KSR2: variants seen among roughly 807,000 people sequenced by gnomAD.
KSR2 encodes kinase suppressor of ras 2.
In KSR2, 25 loss-of-function variants were observed where a neutral mutation model predicts 107.8. The ratio of observed to expected loss-of-function variants is 0.23; its 90% CI spans 0.17 to 0.32. The LOEUF (loss-of-function observed/expected upper bound fraction) is 0.32, where lower values mean the gene tolerates loss of function less well. Ranked by LOEUF, KSR2 falls within the 10% of genes least tolerant of loss-of-function variation. The pLI is 1.00. For synonymous variants in KSR2, 480 were observed against 507.0 expected, an observed-to-expected ratio of 0.95 and a Z score of 0.71; for missense variants, 887 against 1,268.9, an observed-to-expected ratio of 0.70 and a Z score of 4.57.
chr12:117,481,939 T>C (rs1170234401), intron 16 of KSR2, among the ~76,000 whole-genome samples: 1 of 152,170 alleles, frequency 6.6e-6, no homozygotes, highest in African/African-American at 2.4e-5. Flanking sequence ...TAAATGGACC[T>C]GAACCCCTGA....
intron 1 of KSR2, among the ~76,000 whole-genome samples, chr12:117,965,742 C>T (rs2393330): frequency 0.21 from 31,909 of 152,106 alleles, 3,496 homozygotes; most frequent in Middle Eastern, 0.25. Context: ...GTTTATTAAA[C>T]GCAGATTCCT....
intron 1 of KSR2, among the ~76,000 whole-genome samples, chr12:117,960,861 A>C (rs992853593): frequency 2.0e-5 from 3 of 147,520 alleles, no homozygotes; most frequent in Non-Finnish European, 3.0e-5. Flanking sequence ...GTGCAGTGGT[A>C]CAATCTCGGC....
chr12:117,631,706 T>C (rs889295094), intron 5 of KSR2, among the ~76,000 whole-genome samples: 3 of 152,190 alleles, frequency 2.0e-5, no homozygotes, highest in Non-Finnish European at 2.9e-5. Flanking sequence ...GTGTTTGTCA[T>C]GTACTGATCA....
At chr12:117,564,803 G>A (rs1054451725) in intron 7 of KSR2, among the ~76,000 whole-genome samples, 1 of 152,140 alleles carries the variant, frequency 6.6e-6, no homozygotes, top group Non-Finnish European at 1.5e-5. Context: ...AGAAAAAGAA[G>A]AACAGGCAGA....
chr12:117,738,704 A>T (rs895701577), intron 4 of KSR2, among the ~76,000 whole-genome samples: 7 of 151,964 alleles, frequency 4.6e-5, no homozygotes, highest in African/African-American at 1.7e-4. Context: ...GTGAAACCCC[A>T]TCTCTACTAA....
chr12:117,849,455 G>T (rs1392854700), intron 3 of KSR2, among the ~76,000 whole-genome samples: 1 of 152,296 alleles, frequency 6.6e-6, no homozygotes, highest in South Asian at 2.1e-4. Flanking sequence ...TAGCTGCCAC[G>T]AGAAGGAAAG....
chr12:117,681,826 C>A (rs939491997), intron 4 of KSR2, among the ~76,000 whole-genome samples: 1 of 152,200 alleles, frequency 6.6e-6, no homozygotes, highest in East Asian at 1.9e-4. Context: ...GGCAGGAATG[C>A]AAATTAATTA....
intron 4 of KSR2, among the ~76,000 whole-genome samples, chr12:117,682,480 C>T (rs113734349): frequency 6.6e-6 from 1 of 151,930 alleles, no homozygotes; most frequent in Non-Finnish European, 1.5e-5. Flanking sequence ...TGCAACGGCG[C>T]AATCTCGGCT....
At chr12:117,804,169 G>T (rs1439334627) in intron 3 of KSR2, among the ~76,000 whole-genome samples, 1 of 152,066 alleles carries the variant, frequency 6.6e-6, no homozygotes, top group Admixed American at 6.5e-5. Context: ...TCGGCCTCCG[G>T]AGTAGCTGGG....
At chr12:117,935,234 G>C (rs1280000626) in intron 1 of KSR2, among the ~76,000 whole-genome samples, 1 of 150,120 alleles carries the variant, frequency 6.7e-6, no homozygotes, top group Admixed American at 6.7e-5. Flanking sequence ...CTCCTGGCTC[G>C]AGCAATCCTC....
chr12:117,686,684 C>A (rs902810715), intron 4 of KSR2, among the ~76,000 whole-genome samples: 1 of 152,028 alleles, frequency 6.6e-6, no homozygotes, highest in Non-Finnish European at 1.5e-5. Flanking sequence ...GTGGTAAGCC[C>A]GTAAAGACCC....
At chr12:117,622,555 A>G (rs1882252096) in intron 5 of KSR2, among the ~76,000 whole-genome samples, 1 of 151,982 alleles carries the variant, frequency 6.6e-6, no homozygotes, top group Admixed American at 6.6e-5. Flanking sequence ...CAGGATGTGC[A>G]TGTTAACACC....
At chr12:117,523,467 C>G (rs1268179145) in intron 14 of KSR2, among the ~76,000 whole-genome samples, 1 of 152,192 alleles carries the variant, frequency 6.6e-6, no homozygotes, top group Non-Finnish European at 1.5e-5. Flanking sequence ...GATTGTTTCA[C>G]AACTGTTCCA....
chr12:117,827,302 C>T (rs1173423192), intron 3 of KSR2, among the ~76,000 whole-genome samples: 2 of 152,196 alleles, frequency 1.3e-5, no homozygotes, highest in Admixed American at 6.5e-5. Context: ...AGCTGCAGGG[C>T]TTTCCTCTCC....
chr12:117,902,136 A>G (rs1894703400), intron 1 of KSR2, among the ~76,000 whole-genome samples: 1 of 152,228 alleles, frequency 6.6e-6, no homozygotes, highest in South Asian at 2.1e-4. Flanking sequence ...TTCTCGATGT[A>G]GTAAAATATA....
intron 14 of KSR2, among the ~76,000 whole-genome samples, chr12:117,497,677 C>G (rs77677120): frequency 6.6e-6 from 1 of 152,166 alleles, no homozygotes; most frequent in South Asian, 2.1e-4. Context: ...AGAATCAGAA[C>G]CACCTGAGAT....
At chr12:117,750,249 T>TAA (rs34642697) in intron 4 of KSR2, among the ~76,000 whole-genome samples, 174 of 122,232 alleles carry the variant, frequency 1.4e-3, no homozygotes, top group African/African-American at 5.1e-3. Context: ...GACTCTGTCT[T>TAA]AAAAAAAAAA....
chr12:117,940,613 A>G (rs1200436741), intron 1 of KSR2, among the ~76,000 whole-genome samples: 2 of 152,260 alleles, frequency 1.3e-5, no homozygotes, highest in Non-Finnish European at 2.9e-5. Flanking sequence ...AACCACATTC[A>G]ATACCAATTT....
chr12:117,925,533 A>T (rs560314549), intron 1 of KSR2, among the ~76,000 whole-genome samples: 1 of 152,336 alleles, frequency 6.6e-6, no homozygotes, highest in East Asian at 1.9e-4. Context: ...GTTTTTAATC[A>T]ATTACTGAGT....
Sources: gnomAD v4.1 joint callset for allele counts (sites outside exome capture counted in the v4.1 genomes callset) on GRCh38, gnomAD v4.1.1 for gene constraint, MANE v1.5 for transcripts, NCBI Gene and HGNC (gene_info 2026-07-23, HGNC 2026-07-21) for gene names.